MAP3K15: variants seen among roughly 807,000 people sequenced by gnomAD.
MAP3K15 encodes the protein MAPK/ERK kinase kinase 15.
In MAP3K15, 124 loss-of-function variants were observed where a neutral mutation model predicts 99.5. The ratio of observed to expected loss-of-function variants is 1.25; its 90% confidence interval spans 1.08 to 1.45. The LOEUF is 1.45. MAP3K15 is among the 40% of genes most tolerant of loss of function. The pLI, the probability that MAP3K15 is intolerant of heterozygous loss-of-function variation, is 0.00. For synonymous variants in MAP3K15, 494 were observed against 439.6 expected (o/e 1.12, Z -1.55); for missense variants, 1,242 against 1,079.7 (o/e 1.15, Z -2.11).
chrX:19,414,323 T>C, intron 10 of MAP3K15: 1 of 183,840 alleles, frequency 5.4e-6, no homozygotes, highest in Non-Finnish European at 8.4e-6. Context: ...AGGTTTGAAA[T>C]ATTTCATAAC....
chrX:19,455,513 A>ATTT (rs755405077), intron 6 of MAP3K15, among the ~76,000 whole-genome samples: 22 of 65,715 alleles, frequency 3.3e-4, no homozygotes, highest in African/African-American at 7.7e-4. Context: ...TGCCTGGCTA[A>ATTT]TTTTTTTTTT....
At chrX:19,457,587 G>A (rs1172884534) in intron 5 of MAP3K15, among the ~76,000 whole-genome samples, 2 of 111,681 alleles carry the variant, frequency 1.8e-5, no homozygotes, top group Non-Finnish European at 3.8e-5. Flanking sequence ...ATTCCAGGCT[G>A]GGCAACAGAG....
chrX:19,468,570 A>G lies in MAP3K15; in HGVS notation c.526-4164T>C, dbSNP rs905571142. ...CCTGGGTGAGGATACAAGAGTCAGA[A>G]TAACTGTGCGCATGCCCAAGAGTGT... is the stretch of plus-strand genomic sequence containing the variant. On this transcript the variant is annotated intron_variant, in intron 3 of 28. Transcript: ENST00000338883. Among the ~76,000 whole-genome samples the G allele has an allele frequency of 3.6e-5, 4 of 112,046 alleles. No homozygotes were observed. The Admixed American group carries it at 3.8e-4, about 11-fold the overall frequency.
intron 3 of MAP3K15, among the ~76,000 whole-genome samples, chrX:19,485,358 C>T (rs1602344994): frequency 1.6e-5 from 1 of 61,777 alleles, no homozygotes; most frequent in African/African-American, 6.3e-5. Context: ...CTAGGAAGAA[C>T]AGGAAAGACT....
chrX:19,471,915 G>T (rs1225209828), intron 3 of MAP3K15, among the ~76,000 whole-genome samples: 1 of 111,777 alleles, frequency 8.9e-6, no homozygotes, highest in Non-Finnish European at 1.9e-5. Flanking sequence ...AATGCTAGCA[G>T]ACCCATCTTA....
intron 19 of MAP3K15, chrX:19,376,782 C>T (rs140704497): frequency 2.8e-4 from 31 of 110,372 alleles, no homozygotes; most frequent in African/African-American, 8.9e-4. Context: ...CAGGCTGGTC[C>T]GAGTGCAGTG....
At chrX:19,383,022 C>T (rs188272011) in intron 18 of MAP3K15, among the ~76,000 whole-genome samples, 12 of 111,414 alleles carry the variant, frequency 1.1e-4, no homozygotes, top group African/African-American at 2.9e-4. Flanking sequence ...CTAAGCTTGG[C>T]GTTGGACCCT....
intron 5 of MAP3K15, among the ~76,000 whole-genome samples, chrX:19,459,135 A>T (rs1162329824): frequency 9.0e-6 from 1 of 111,652 alleles, no homozygotes; most frequent in Non-Finnish European, 1.9e-5. Context: ...GGAGGAAGTG[A>T]CAAAAGCCTA....
At chrX:19,396,088 A>C (rs1479664648) in intron 15 of MAP3K15, among the ~76,000 whole-genome samples, 1 of 111,438 alleles carries the variant, frequency 9.0e-6, no homozygotes, top group African/African-American at 3.3e-5. Context: ...CGTTCTAAAA[A>C]CACTCTGTGT....
chrX:19,400,447 C>G (rs2063599178), intron 14 of MAP3K15, 129 bp downstream of exon 14: 4 of 428,095 alleles, frequency 9.3e-6, no homozygotes, highest in Non-Finnish European at 1.6e-5. Context: ...CTCTGGGAAC[C>G]ATGCAGTGAT....
chrX:19,372,814 T>C lies in MAP3K15; in HGVS notation c.2947A>G (p.Ser983Gly), dbSNP rs773261137. The C allele has an allele frequency of 1.4e-5, 17 of 1,207,140 alleles. No homozygotes were observed. Among genetic ancestry groups the C allele is most frequent in the Non-Finnish European group, 1.9e-5 (17 of 893,677 alleles). The change falls in exon 22 of 29, where the codon AGC (serine) becomes GGC (glycine). Residue 983 changes from serine to glycine, a missense_variant. Coordinates refer to ENST00000338883, the MANE Select transcript of MAP3K15 (RefSeq NM_001001671.4). ...AAGCCCCGGTCTTCCAAGGCTGAGC[T>C]CTCGTCTGGAACACTGTGGACAAAC... Reference protein sequence around the residue: ...LGHLLSVPDESSALEDRGLAS... With the variant: ...LGHLLSVPDEGSALEDRGLAS...
intron 1 of MAP3K15, among the ~76,000 whole-genome samples, chrX:19,508,916 A>T (rs2064498777): frequency 8.9e-6 from 1 of 112,071 alleles, no homozygotes; most frequent in Admixed American, 9.5e-5. Context: ...ACAAAAATTT[A>T]AAAATAAATA....
At position 19,360,160 on chromosome X, in the gene MAP3K15, C is replaced by CTTAGT. The variant is rs1555936129; in HGVS notation, c.*584_*588dup. 6 of 151,396 alleles carry CTTAGT rather than the reference C, an allele frequency of 4.0e-5. No homozygotes were observed. The highest frequency in any genetic ancestry group is 1.6e-4 in the African/African-American group (5 of 31,784). 12.5% of individuals were successfully genotyped at this position (151,396 alleles called of 1,213,427 possible). ...TGTAATCATTTCAAAGGCCACATAA[C>CTTAGT]TTAGTTTTCTCTACTTACACATTCA... On this transcript the variant is annotated 3_prime_UTR_variant, in exon 29 of 29. Transcript: ENST00000338883.
chrX:19,402,889 C>A (rs1046339592), intron 13 of MAP3K15, among the ~76,000 whole-genome samples: 2 of 111,441 alleles, frequency 1.8e-5, no homozygotes, highest in Non-Finnish European at 3.8e-5. Flanking sequence ...TGGTCTTGAA[C>A]TCCTGGGATC....
chrX:19,485,932 C>A (rs1290805395), intron 3 of MAP3K15, among the ~76,000 whole-genome samples: 1 of 111,546 alleles, frequency 9.0e-6, no homozygotes, highest in Non-Finnish European at 1.9e-5. Flanking sequence ...TTATACTATT[C>A]AAACCAACGT....
At chrX:19,494,888 A>AAAAAAAAAAAAAAAAC (rs2064390542) in intron 1 of MAP3K15, among the ~76,000 whole-genome samples, 1 of 110,448 alleles carries the variant, frequency 9.1e-6, no homozygotes, top group Non-Finnish European at 1.9e-5. Context: ...TAAAAAAAAA[A>AAAAAAAAAAAAAAAAC]AAAGCCCAGA....
At chrX:19,374,890 G>A (rs1462880042) in intron 19 of MAP3K15, among the ~76,000 whole-genome samples, 1 of 111,730 alleles carries the variant, frequency 9.0e-6, no homozygotes, top group Non-Finnish European at 1.9e-5. Context: ...AAGTGACATG[G>A]TGAGAGTTTC....
At chrX:19,367,253 C>T (rs753570751) in intron 25 of MAP3K15, among the ~76,000 whole-genome samples, 1 of 111,167 alleles carries the variant, frequency 9.0e-6, no homozygotes, top group African/African-American at 3.3e-5. Context: ...CCAAATACCA[C>T]GTGCCGTGGG....
chrX:19,507,297 G>T (rs186719445), intron 1 of MAP3K15, among the ~76,000 whole-genome samples: 1 of 110,948 alleles, frequency 9.0e-6, no homozygotes, highest in African/African-American at 3.3e-5. Context: ...AAACATTTGA[G>T]AAAGTATGAG....
Sources: allele counts gnomAD v4.1 joint callset (sites outside exome capture counted in the v4.1 genomes callset), GRCh38; gene constraint gnomAD v4.1.1; transcripts MANE v1.5; gene names NCBI Gene and HGNC (gene_info 2026-07-23, HGNC 2026-07-21).